The following SLC35F5 variants were observed in gnomAD, a reference collection of about 807,000 sequenced individuals.
SLC35F5 encodes HCV NS5A-transactivated protein 3.
Under a neutral mutation model 68.6 loss-of-function variants are expected in SLC35F5, and 54 were observed. The observed-to-expected ratio is 0.79, with a 90% CI of 0.63 to 0.99. SLC35F5 has a LOEUF of 0.99. Ranked by LOEUF, SLC35F5 falls within the 50% of genes least tolerant of loss-of-function variation. The pLI is 0.00. For synonymous variants in SLC35F5, 211 were observed against 205.2 expected (o/e 1.03, Z -0.24); for missense variants, 567 against 626.9 (o/e 0.90, Z 1.02).
At chr2:113,747,817 C>T (rs1281617102) in intron 4 of SLC35F5, among the ~76,000 whole-genome samples, 2 of 152,136 alleles carry the variant, frequency 1.3e-5, no homozygotes, top group South Asian at 2.1e-4. Context: ...TTTGGCCGGG[C>T]GCAGTGGCTC....
Position 113,715,176 on chromosome 2 carries a change from TG to T in SLC35F5, c.*41del, listed in dbSNP as rs1687131418. 1 of 152,220 alleles carries T rather than the reference TG, an allele frequency of 6.6e-6. No homozygotes were observed. The highest frequency in any genetic ancestry group is 2.4e-5 in the African/African-American group (1 of 41,470). 9.4% of individuals were successfully genotyped at this position (152,220 alleles called of 1,614,324 possible). On this transcript the variant is annotated 3_prime_UTR_variant, in exon 16 of 16. Coordinates refer to ENST00000245680, the MANE Select transcript of SLC35F5 (RefSeq NM_025181.5). ...AACTTGCCAGAGATTGTCTCTTCGCTGTATAGTTCCATTATCAAGCTAAAAA... is the reference window on the plus strand; with the variant it reads ...AACTTGCCAGAGATTGTCTCTTCGCTTATAGTTCCATTATCAAGCTAAAAA...
rs941819222 is a variant in SLC35F5 at position 113,746,405 on chromosome 2, G to A, written c.418-66C>T. 65 of 1,295,818 alleles carry A rather than the reference G, an allele frequency of 5.0e-5. No individual in the cohort carries two copies. The African/African-American group carries it at 8.1e-4, about 16-fold the overall frequency. 80.3% of individuals were successfully genotyped at this position (1,295,818 alleles called of 1,614,324 possible). A position where few individuals can be genotyped will look rare whatever the true frequency, so the allele number is the denominator to read the frequency against. ...CATTATACTGTAGGACTAGTCAGAC[G>A]TAACTCAGATAAATAGAAGCAAAAA... On this transcript the variant is annotated intron_variant, in intron 4 of 15. Transcript: ENST00000245680.
At position 113,713,672 on chromosome 2, in the gene SLC35F5, C is replaced by T. The variant is rs1317949329; in HGVS notation, c.*1546G>A. 1.4e-5 allele frequency: 2 copies of T among 146,546 alleles called. No individual in the cohort carries two copies. Among genetic ancestry groups the T allele is most frequent in the Non-Finnish European group, 3.0e-5 (2 of 67,172 alleles). 9.1% of individuals were successfully genotyped at this position (146,546 alleles called of 1,614,324 possible). On this transcript the variant is annotated 3_prime_UTR_variant, in exon 16 of 16. Transcript: ENST00000245680. ...AAACAGGTCAAAAGTATAATAAACTCAACATTATTTTTAACTTGCGTTATT... is the reference window on the plus strand; with the variant it reads ...AAACAGGTCAAAAGTATAATAAACTTAACATTATTTTTAACTTGCGTTATT...
At chr2:113,752,231 A>AAAG (rs1404467819) in intron 3 of SLC35F5, among the ~76,000 whole-genome samples, 1 of 151,960 alleles carries the variant, frequency 6.6e-6, no homozygotes, top group Non-Finnish European at 1.5e-5. Flanking sequence ...AAAAAAAAAA[A>AAAG]AAGATTAATA....
downstream of SLC35F5, among the ~76,000 whole-genome samples, chr2:113,704,420 C>T (rs1686758989): frequency 6.6e-6 from 1 of 152,346 alleles, no homozygotes; most frequent in East Asian, 1.9e-4. Flanking sequence ...CGCCCTGCGC[C>T]CGCACTCCTC....
At chr2:113,705,816 T>C (rs548460623), downstream of SLC35F5, among the ~76,000 whole-genome samples, 13 of 152,334 alleles carry the variant, frequency 8.5e-5, no homozygotes, top group African/African-American at 2.9e-4. Flanking sequence ...TTCATTCTTA[T>C]CTTTTGTCAC....
chr2:113,750,524 T>C lies in SLC35F5; in HGVS notation c.318A>G (p.Ala106=). 1.6e-5 allele frequency: 26 copies of C among 1,613,422 alleles called. No homozygotes were observed. The highest frequency in any genetic ancestry group is 2.1e-5 in the Non-Finnish European group (25 of 1,179,684). The change falls in exon 4 of 16, where the codon GCA becomes GCG. Residue 106 remains alanine (A), a synonymous_variant. Coordinates refer to ENST00000245680, the MANE Select transcript of SLC35F5 (RefSeq NM_025181.5). Reference sequence around the variant, plus strand: ...GGTACAAAACAAACATAGATGTTTTTGCAAAGGTGCTGAAGAATGGTTTGT... The same window carrying C: ...GGTACAAAACAAACATAGATGTTTTCGCAAAGGTGCTGAAGAATGGTTTGT... The part of the protein sequence containing the change: ...QYNKPFFSTF[A]KTSMFVLYLL...
Position 113,729,381 on chromosome 2 carries a change from C to A in SLC35F5, c.1090+20G>T. Reference sequence around the variant, plus strand: ...TAATCATTTAGAGTAAATAGCCTCCCAAGTTACATATATTCTTACCAAAGA... The same window carrying A: ...TAATCATTTAGAGTAAATAGCCTCCAAAGTTACATATATTCTTACCAAAGA... On this transcript the variant is annotated intron_variant, in intron 11 of 15. Coordinates refer to ENST00000245680, the MANE Select transcript of SLC35F5 (RefSeq NM_025181.5). The A allele has an allele frequency of 7.8e-7, 1 of 1,278,304 alleles. No individual in the cohort carries two copies. Among genetic ancestry groups the A allele is most frequent in the South Asian group, 1.3e-5 (1 of 75,826 alleles). The allele number at this position is 1,278,304 out of a possible 1,614,324, so 79.2% of individuals were successfully genotyped here.
At position 113,719,308 on chromosome 2, in the gene SLC35F5, C is replaced by A; in HGVS notation, c.1342G>T (p.Val448Leu). ...GCAAAAAATAACCAAGAAAACTGCA[C>A]CTAAAAATAAAAGATAGAGGAAAAA... ...SIIADMCMQK[V>L]QFSWLFFAGA... Residue 448 changes from valine (V) to leucine (L), a missense_variant and splice_region_variant, in exon 14 of 16, where the codon GTG (valine) becomes TTG (leucine). By Grantham distance (32) the Val-to-Leu change is conservative (BLOSUM62 1). Transcript: ENST00000245680. The A allele has an allele frequency of 6.5e-7, 1 of 1,538,084 alleles. No individual in the cohort carries two copies. Among genetic ancestry groups the A allele is most frequent in the Non-Finnish European group, 8.6e-7 (1 of 1,157,414 alleles).
intron 5 of SLC35F5, 193 bp from the exon 6 acceptor site, chr2:113,743,987 C>A (rs1282417723): frequency 9.9e-6 from 4 of 405,346 alleles, no homozygotes; most frequent in Non-Finnish European, 1.8e-5. Flanking sequence ...AGAAAAGAAT[C>A]AGTTTACAGT....
At chr2:113,745,753 C>CA (rs1257331656) in intron 5 of SLC35F5, among the ~76,000 whole-genome samples, 1 of 152,122 alleles carries the variant, frequency 6.6e-6, no homozygotes, top group East Asian at 1.9e-4. Context: ...ACTACCTCTC[C>CA]AACTAGATTA....
intron 7 of SLC35F5, among the ~76,000 whole-genome samples, chr2:113,740,546 CATTTTTAAGTGTACAGTTA>C (rs1408770984): frequency 1.1e-4 from 16 of 152,134 alleles, no homozygotes; most frequent in Non-Finnish European, 2.4e-4. Flanking sequence ...CCATTTGGAT[CATTTTTAAGTGTACAGTTA>C]ATGGCATAAA....
In SLC35F5 at chr2:113,717,835, G is replaced by T; in HGVS notation, c.1512C>A (p.Ser504Arg). Residue 504 changes from serine (S) to arginine (R), a missense_variant, in exon 15 of 16, where the codon AGC becomes AGA. Ser to Arg is a moderately radical substitution (Grantham distance 110). Coordinates refer to ENST00000245680, the MANE Select transcript of SLC35F5 (RefSeq NM_025181.5). ...KHRIQRVPEDSEQCESLISMH... is the reference protein window; with the variant it reads ...KHRIQRVPEDREQCESLISMH... ...TAGAAATGAGACTCTCACACTGTTCGCTGTCTTCTGGAACTCTTAAGAAAA... is the reference window on the plus strand; with the variant it reads ...TAGAAATGAGACTCTCACACTGTTCTCTGTCTTCTGGAACTCTTAAGAAAA... 2 of 1,609,330 alleles carry T rather than the reference G, an allele frequency of 1.2e-6. No individual in the cohort carries two copies. The highest frequency in any genetic ancestry group is 1.7e-4 in the Middle Eastern group (1 of 6,046).
rs145530064 is a variant in SLC35F5 at position 113,724,766 on chromosome 2, G to C, written c.1250+612C>G. Among the ~76,000 whole-genome samples the C allele has an allele frequency of 6.7e-3, 1,018 of 152,106 alleles. 1 individual carries two copies. Among genetic ancestry groups the C allele is most frequent in the Non-Finnish European group, 0.011 (768 of 67,928 alleles). On this transcript the variant is annotated intron_variant, in intron 12 of 15. Coordinates refer to ENST00000245680, the MANE Select transcript of SLC35F5 (RefSeq NM_025181.5). Reference sequence around the variant, plus strand: ...AAGTATAAAGCTCTGTTATTTGAAAGGTCTCTCAAACTCCATACATGATAC... The same window carrying C: ...AAGTATAAAGCTCTGTTATTTGAAACGTCTCTCAAACTCCATACATGATAC...
intron 3 of SLC35F5, among the ~76,000 whole-genome samples, 193 bp from the exon 4 acceptor site, chr2:113,750,761 C>G (rs1676704907): frequency 6.6e-6 from 1 of 152,148 alleles, no homozygotes; most frequent in South Asian, 2.1e-4. Context: ...AGGGCACCAC[C>G]AAACAAAGCA....
intron 15 of SLC35F5, among the ~76,000 whole-genome samples, chr2:113,717,300 T>A (rs896982185): frequency 6.6e-6 from 1 of 152,150 alleles, no homozygotes; most frequent in Non-Finnish European, 1.5e-5. Context: ...AACAGACACA[T>A]AAAGACTAGT....
At chr2:113,705,105 G>GGCATATAA (rs1686772256), downstream of SLC35F5, 1 of 152,224 alleles carries the variant, frequency 6.6e-6, no homozygotes, top group Non-Finnish European at 1.5e-5. Flanking sequence ...TAAGAAACAT[G>GGCATATAA]GGGCATATAA....
intron 5 of SLC35F5, 70 bp from the exon 6 acceptor site, chr2:113,743,864 A>G: frequency 5.4e-6 from 7 of 1,287,926 alleles, no homozygotes; most frequent in South Asian, 1.4e-5. Context: ...ATTTAAATGG[A>G]TAGTACGTAG....
chr2:113,743,701 A>G lies in SLC35F5; in HGVS notation c.562+12T>C, dbSNP rs776347364. The G allele has an allele frequency of 6.2e-7, 1 of 1,606,580 alleles. No individual in the cohort carries two copies. The highest frequency in any genetic ancestry group is 8.5e-7 in the Non-Finnish European group (1 of 1,175,540). Reference sequence around the variant, plus strand: ...AAGGTAAACTTTCTACCCATTTCCAAGTTTTGCTTACTTTTTTCAGTATCA... The same window carrying G: ...AAGGTAAACTTTCTACCCATTTCCAGGTTTTGCTTACTTTTTTCAGTATCA... On this transcript the variant is annotated intron_variant, in intron 6 of 15. Coordinates refer to ENST00000245680, the MANE Select transcript of SLC35F5 (RefSeq NM_025181.5).
Sources: allele counts gnomAD v4.1 joint callset (sites outside exome capture counted in the v4.1 genomes callset), GRCh38; gene constraint gnomAD v4.1.1; transcripts MANE v1.5; gene names NCBI Gene and HGNC (gene_info 2026-07-23, HGNC 2026-07-21).